ARFGEF3: variants seen among roughly 807,000 people sequenced by gnomAD.
The protein encoded by ARFGEF3 is ARFGEF family member 3.
A neutral mutation model predicts 221.7 loss-of-function variants in ARFGEF3; 96 were observed. The observed-to-expected ratio is 0.43, with a 90% CI of 0.37 to 0.51. ARFGEF3 has a LOEUF of 0.51. ARFGEF3 is among the 20% of genes least tolerant of loss of function. The pLI is 0.00. For missense variants in ARFGEF3, 2,410 were observed against 2,789.9 expected, an observed-to-expected ratio of 0.86 and a Z score of 3.07; for synonymous variants, 1,145 against 1,126.8, an observed-to-expected ratio of 1.02 and a Z score of -0.32.
chr6:138,286,802 C>T lies in ARFGEF3; in HGVS notation c.2671C>T (p.Leu891=), dbSNP rs749559035. ...TCGAATGGCGGGGAGCTCCAAAGGG[C>T]TGGCCTTCATTCTGGGAGCTGAAGG... ...TGRMAGSSKG[L]AFILGAEGIK... Residue 891 remains leucine, a synonymous_variant, in exon 16 of 34, where the codon CTG becomes TTG. Transcript: ENST00000251691. 4.3e-6 allele frequency: 7 copies of T among 1,614,054 alleles called. No individual in the cohort carries two copies. In the South Asian group the frequency reaches 7.7e-5, roughly 18 times the overall value.
chr6:138,281,816 C>T (rs112911819), intron 14 of ARFGEF3, among the ~76,000 whole-genome samples: 1,948 of 152,268 alleles, frequency 0.013, 55 homozygotes, highest in African/African-American at 0.045. Flanking sequence ...TATTGTGGCT[C>T]GGCCATAATG....
Position 138,261,545 on chromosome 6 carries a change from C to T in ARFGEF3, c.1123C>T (p.Arg375Cys), listed in dbSNP as rs140773391. The T allele has an allele frequency of 7.0e-6, 11 of 1,570,948 alleles. No homozygotes were observed. The highest frequency in any genetic ancestry group is 4.6e-5 in the East Asian group (2 of 43,414). Reference protein sequence around the residue: ...IMKEILGSPQRLCDLAGPSST... With the variant: ...IMKEILGSPQCLCDLAGPSST... The stretch of plus-strand genomic sequence containing the variant: ...CTTTAAGATACTTGGGAGCCCACAG[C>T]GTCTCTGTGACTTGGCAGGACCCAG... The change falls in exon 11 of 34, where the codon CGT (arginine) becomes TGT (cysteine). Residue 375 changes from arginine to cysteine, a missense_variant. Arg to Cys is a radical substitution (Grantham distance 180). This residue lies in a region of ARFGEF3 where 570 missense variants were observed against 586.9 expected (regional missense o/e 0.97). Transcript: ENST00000251691.
Position 138,335,034 on chromosome 6 carries a change from T to G in ARFGEF3, c.6188T>G (p.Leu2063Arg). The G allele has an allele frequency of 6.3e-7, 1 of 1,594,594 alleles. No individual in the cohort carries two copies. Among genetic ancestry groups the G allele is most frequent in the Non-Finnish European group, 8.5e-7 (1 of 1,171,280 alleles). The change falls in exon 33 of 34, where the codon CTG (leucine) becomes CGG (arginine). Residue 2063 changes from leucine (L) to arginine (R), a missense_variant. Physicochemically the swap from Leu to Arg is moderately radical, Grantham distance 102. Transcript: ENST00000251691. ...GGTCCCAGGGGCCAGGACTCCCCGC[T>G]GCTTCAGCGTCCCCAGCACTTGATG... ...PLGPRGQDSP[L>R]LQRPQHLMDQ...
chr6:138,232,258 G>C (rs1778206698), intron 5 of ARFGEF3, among the ~76,000 whole-genome samples: 1 of 152,186 alleles, frequency 6.6e-6, no homozygotes, highest in Admixed American at 6.5e-5. Flanking sequence ...TGTAATCCCA[G>C]CACTTTGGGA....
intron 33 of ARFGEF3, 120 bp downstream of exon 33, chr6:138,335,308 A>G: frequency 9.9e-7 from 1 of 1,012,890 alleles, no homozygotes. Context: ...GGGGGTATGA[A>G]CCGATTTCCC....
In ARFGEF3 at chr6:138,241,807, C is replaced by T. The variant is rs142458403; in HGVS notation, c.544-1145C>T. Among the ~76,000 whole-genome samples, 366 of 152,290 alleles carry T rather than the reference C, an allele frequency of 2.4e-3. 2 individuals carry two copies. Among genetic ancestry groups the T allele is most frequent in the African/African-American group, 8.2e-3 (340 of 41,546 alleles). The stretch of plus-strand genomic sequence containing the variant: ...ATCCCCAGCTGCATGCCAGGACAGA[C>T]GATAATTTTGATTTTGTATCGTCAC... On this transcript the variant is annotated intron_variant, in intron 6 of 33. Transcript: ENST00000251691.
At chr6:138,251,579 T>G (rs1583032413) in intron 8 of ARFGEF3, among the ~76,000 whole-genome samples, 1 of 152,212 alleles carries the variant, frequency 6.6e-6, no homozygotes, top group Non-Finnish European at 1.5e-5. Context: ...GACATCTTAG[T>G]GTGGCCTACA....
chr6:138,336,566 AC>A lies in ARFGEF3; in HGVS notation c.*82del. On this transcript the variant is annotated 3_prime_UTR_variant, in exon 34 of 34. Coordinates refer to ENST00000251691, the MANE Select transcript of ARFGEF3 (RefSeq NM_020340.5). ...CCAATACAGCTGTTGCATTTTCCCC[AC>A]CACTAGCCCCACTTAAACTACTACT... 8.4e-7 allele frequency: 1 copy of A among 1,183,886 alleles called. No individual in the cohort carries two copies. The highest frequency in any genetic ancestry group is 1.2e-6 in the Non-Finnish European group (1 of 844,224). 73.3% of individuals were successfully genotyped at this position (1,183,886 alleles called of 1,614,324 possible). A position where few individuals can be genotyped will look rare whatever the true frequency, so the allele number is the denominator to read the frequency against.
chr6:138,302,291 G>A (rs1368271951), intron 22 of ARFGEF3, among the ~76,000 whole-genome samples: 1 of 152,078 alleles, frequency 6.6e-6, no homozygotes, highest in African/African-American at 2.4e-5. Context: ...GAGTTGAGAA[G>A]GGCAATAACT....
At chr6:138,293,174 G>C (rs1245883609) in intron 19 of ARFGEF3, among the ~76,000 whole-genome samples, 1 of 152,176 alleles carries the variant, frequency 6.6e-6, no homozygotes, top group Non-Finnish European at 1.5e-5. Flanking sequence ...TGCCCCCACA[G>C]CACTGTTTGC....
Position 138,263,483 on chromosome 6 carries a change from A to C in ARFGEF3, c.2000A>C (p.Glu667Ala). The C allele has an allele frequency of 6.2e-7, 1 of 1,613,904 alleles. No individual in the cohort carries two copies. Among genetic ancestry groups the C allele is most frequent in the Non-Finnish European group, 8.5e-7 (1 of 1,179,886 alleles). Residue 667 changes from glutamate (E) to alanine (A), a missense_variant, in exon 12 of 34, where the codon GAG becomes GCG. Glu to Ala is a moderately radical substitution (Grantham distance 107, BLOSUM62 -1). Around this residue, in one of 5 missense-constraint regions of ARFGEF3, gnomAD observed 594 missense variants for 734.3 expected, o/e 0.81. Transcript: ENST00000251691. ...TCTCTAAAACTGCTGAAGAACCAGGAGGCGGATCAGCACAGCGCCAGGCTG... is the reference window on the plus strand; with the variant it reads ...TCTCTAAAACTGCTGAAGAACCAGGCGGCGGATCAGCACAGCGCCAGGCTG... ...ALSLKLLKNQ[E>A]ADQHSARLFI... is the part of the protein sequence containing the mutation.
intron 24 of ARFGEF3, among the ~76,000 whole-genome samples, chr6:138,309,292 T>C (rs1779782737): frequency 6.6e-6 from 1 of 152,214 alleles, no homozygotes; most frequent in African/African-American, 2.4e-5. Flanking sequence ...ACCTGTGCTA[T>C]ATAAAAATCT....
At chr6:138,202,681 C>CAA (rs11312359) in intron 2 of ARFGEF3, among the ~76,000 whole-genome samples, 18 of 117,084 alleles carry the variant, frequency 1.5e-4, no homozygotes, top group Non-Finnish European at 1.9e-4. Flanking sequence ...TATTTACTAG[C>CAA]AAAAAAAAAA....
At chr6:138,212,615 T>C (rs1777751731) in intron 4 of ARFGEF3, among the ~76,000 whole-genome samples, 1 of 152,152 alleles carries the variant, frequency 6.6e-6, no homozygotes, top group African/African-American at 2.4e-5. Context: ...AGCAAAGACT[T>C]GGAACCAACC....
intron 2 of ARFGEF3, among the ~76,000 whole-genome samples, chr6:138,195,064 G>A (rs995636492): frequency 3.1e-4 from 43 of 138,284 alleles, no homozygotes; most frequent in African/African-American, 9.9e-4. Context: ...GTGCAGTGGC[G>A]TGATCTCGGC....
At chr6:138,206,384 T>C (rs1204181590) in intron 2 of ARFGEF3, among the ~76,000 whole-genome samples, 1 of 150,552 alleles carries the variant, frequency 6.6e-6, no homozygotes, top group African/African-American at 2.4e-5. Flanking sequence ...CTAGATAATG[T>C]TGCATCTAGG....
At chr6:138,210,796 G>T (rs1488332747) in intron 4 of ARFGEF3, among the ~76,000 whole-genome samples, 1 of 152,200 alleles carries the variant, frequency 6.6e-6, no homozygotes, top group Non-Finnish European at 1.5e-5. Flanking sequence ...TTCAGGAATA[G>T]TTGGTGTCAT....
rs1779745589 is a variant in ARFGEF3, at chr6:138,307,375, C to T, written c.3951C>T (p.Tyr1317=). The T allele has an allele frequency of 6.2e-7, 1 of 1,613,516 alleles. No individual in the cohort carries two copies. The part of the protein sequence containing the change: ...HGGNKSEMKE[Y]LVGDYSMGKG... ...GGAACAAGTCAGAGATGAAGGAGTACCTGGTTGGTGACTACTCCATGGGTA... is the reference window on the plus strand; with the variant it reads ...GGAACAAGTCAGAGATGAAGGAGTATCTGGTTGGTGACTACTCCATGGGTA... The change falls in exon 23 of 34, where the codon TAC becomes TAT. Residue 1317 remains tyrosine (Y), a synonymous_variant. Coordinates refer to ENST00000251691, the MANE Select transcript of ARFGEF3 (RefSeq NM_020340.5).
intron 31 of ARFGEF3, among the ~76,000 whole-genome samples, chr6:138,326,602 A>G (rs938699354): frequency 6.6e-6 from 1 of 152,218 alleles, no homozygotes; most frequent in African/African-American, 2.4e-5. Flanking sequence ...GTAAAAAGTC[A>G]AAAAACAATA....
Sources: gnomAD v4.1 joint callset for allele counts (sites outside exome capture counted in the v4.1 genomes callset) on GRCh38, gnomAD v4.1.1 for gene constraint, gnomAD v4.1.1 regional missense constraint, MANE v1.5 for transcripts, NCBI Gene and HGNC (gene_info 2026-07-23, HGNC 2026-07-21) for gene names.